MCTP2: variants seen among roughly 807,000 people sequenced by gnomAD.
MCTP2 encodes multiple C2 and transmembrane domain-containing protein 2.
MCTP2 carries 132 observed loss-of-function variants against 111.6 expected under a neutral mutation model. That is an observed-to-expected ratio of 1.18 (90% confidence interval 1.03 to 1.37). MCTP2 has a LOEUF of 1.37. MCTP2 is among the 40% of genes most tolerant of loss of function. The pLI is 0.00. For missense variants in MCTP2, 1,183 were observed against 1,067.9 expected, an observed-to-expected ratio of 1.11 and a Z score of -1.50; for synonymous variants, 395 against 387.7, an observed-to-expected ratio of 1.02 and a Z score of -0.22.
intron 1 of MCTP2, among the ~76,000 whole-genome samples, chr15:94,256,039 G>T (rs1403303540): frequency 1.3e-5 from 2 of 152,068 alleles, no homozygotes; most frequent in Non-Finnish European, 2.9e-5. Flanking sequence ...CTTGACATCT[G>T]TAGGCTGAAA....
chr15:94,476,866 C>G, intron 22 of MCTP2, 73 bp downstream of exon 22: 1 of 863,802 alleles, frequency 1.2e-6, no homozygotes, highest in Non-Finnish European at 1.9e-6. Context: ...CAGAGGAACA[C>G]AAGGCTTTGC....
chr15:94,470,606 G>A (rs571687821), intron 21 of MCTP2, among the ~76,000 whole-genome samples, 164 bp downstream of exon 21: 2 of 152,210 alleles, frequency 1.3e-5, no homozygotes, highest in Non-Finnish European at 2.9e-5. Flanking sequence ...TCCCTGAAAG[G>A]CCAGTTGCAT....
At chr15:94,394,367 T>C (rs192916718) in intron 14 of MCTP2, among the ~76,000 whole-genome samples, 181 of 152,276 alleles carry the variant, frequency 1.2e-3, no homozygotes, top group Middle Eastern at 3.4e-3. Context: ...TGAGCACTTA[T>C]AGTGTAAGCT....
In MCTP2 at chr15:94,344,482, G is replaced by A. The variant is rs2077852420; in HGVS notation, c.970-647G>A. 2.0e-5 allele frequency among the ~76,000 whole-genome samples: 3 copies of A among 152,226 alleles called. No homozygotes were observed. In the South Asian group the frequency reaches 6.2e-4, roughly 32 times the overall value. ...TGAATGGTGACAGGAGTGATGAGAG[G>A]GTTTTGCTTGGAGAGAATTTGTAGA... On this transcript the variant is annotated intron_variant, in intron 7 of 22. Coordinates refer to ENST00000357742, the MANE Select transcript of MCTP2 (RefSeq NM_001385001.1).
chr15:94,458,306 G>T, intron 20 of MCTP2, 60 bp downstream of exon 20: 2 of 1,005,128 alleles, frequency 2.0e-6, no homozygotes, highest in East Asian at 2.4e-5. Context: ...AAGGACAGTG[G>T]GGTAATGGCA....
intron 19 of MCTP2, among the ~76,000 whole-genome samples, chr15:94,443,995 A>AAAC (rs1032066266): frequency 1.3e-5 from 2 of 149,676 alleles, no homozygotes; most frequent in African/African-American, 2.5e-5. Context: ...AAAAAAAAAA[A>AAAC]AAAAAAAAAA....
intron 4 of MCTP2, among the ~76,000 whole-genome samples, chr15:94,331,954 C>T (rs933024587): frequency 2.0e-5 from 3 of 152,158 alleles, no homozygotes; most frequent in Non-Finnish European, 2.9e-5. Flanking sequence ...GAGAAGCATG[C>T]GGCCCTTATC....
intron 8 of MCTP2, among the ~76,000 whole-genome samples, chr15:94,348,196 T>C (rs2152414495): frequency 6.6e-6 from 1 of 152,008 alleles, no homozygotes; most frequent in Admixed American, 6.5e-5. Flanking sequence ...TATATTCTTT[T>C]ATTTTGGTTC....
At chr15:94,307,172 A>G (rs972457149) in intron 2 of MCTP2, among the ~76,000 whole-genome samples, 3 of 152,190 alleles carry the variant, frequency 2.0e-5, no homozygotes, top group Non-Finnish European at 4.4e-5. Flanking sequence ...AATAGAAAAA[A>G]GTCACCTTCC....
At chr15:94,262,683 G>A (rs544099287) in intron 1 of MCTP2, among the ~76,000 whole-genome samples, 17 of 151,050 alleles carry the variant, frequency 1.1e-4, no homozygotes, top group Admixed American at 2.0e-4. Context: ...GTGGGGGTGC[G>A]TGGAGGAGAC....
intron 1 of MCTP2, among the ~76,000 whole-genome samples, chr15:94,245,261 CAT>C (rs1471185065): frequency 1.0e-4 from 14 of 138,542 alleles, no homozygotes; most frequent in Admixed American, 1.4e-4. Flanking sequence ...TGTATATATA[CAT>C]ATGTGTATAT....
intron 20 of MCTP2, among the ~76,000 whole-genome samples, chr15:94,461,064 ACTGTATTC>A (rs2085175758): frequency 6.6e-6 from 1 of 152,206 alleles, no homozygotes; most frequent in African/African-American, 2.4e-5. Flanking sequence ...TGTGGAATGA[ACTGTATTC>A]CTTTTTTCCT....
intron 12 of MCTP2, among the ~76,000 whole-genome samples, chr15:94,379,066 TTTTG>T (rs1488581422): frequency 1.3e-5 from 2 of 151,764 alleles, no homozygotes; most frequent in Non-Finnish European, 2.9e-5. Flanking sequence ...GTTTTTTGTT[TTTTG>T]TTTTTTTTTT....
intron 11 of MCTP2, among the ~76,000 whole-genome samples, chr15:94,368,535 T>C (rs1356225645): frequency 2.6e-5 from 4 of 152,196 alleles, no homozygotes. Flanking sequence ...AATGGCACTA[T>C]CATTCTCAGC....
chr15:94,280,410 C>T (rs919610600), intron 1 of MCTP2, among the ~76,000 whole-genome samples: 8 of 99,994 alleles, frequency 8.0e-5, no homozygotes, highest in Non-Finnish European at 1.2e-4. Context: ...CCATTAGTCT[C>T]GAGGGTTTTT....
Position 94,339,856 on chromosome 15 carries a change from T to C in MCTP2, c.781-343T>C, listed in dbSNP as rs529358639. On this transcript the variant is annotated intron_variant, in intron 5 of 22. Coordinates refer to ENST00000357742, the MANE Select transcript of MCTP2 (RefSeq NM_001385001.1). ...ATAGAAAATTTAGCAAATTTCTATT[T>C]AATTGGCAGATCTGCTCACTGTGGA... Among the ~76,000 whole-genome samples the C allele has an allele frequency of 4.6e-4, 70 of 152,346 alleles. 1 individual carries two copies. Among genetic ancestry groups the C allele is most frequent in the African/African-American group, 1.7e-3 (69 of 41,584 alleles).
chr15:94,245,647 CATATGT>C (rs1269909217), intron 1 of MCTP2, among the ~76,000 whole-genome samples: 4 of 142,396 alleles, frequency 2.8e-5, no homozygotes, highest in Admixed American at 7.1e-5. Flanking sequence ...TATACATATA[CATATGT>C]ATATGTAAAT....
chr15:94,419,687 T>G (rs997771318), intron 17 of MCTP2, among the ~76,000 whole-genome samples: 1 of 152,152 alleles, frequency 6.6e-6, no homozygotes, highest in Non-Finnish European at 1.5e-5. Context: ...TATCTTCACC[T>G]CTTTTACATT....
rs1277171000 is a variant in MCTP2 at position 94,298,847 on chromosome 15, C to T, written c.465+117C>T. On this transcript the variant is annotated intron_variant, in intron 2 of 22. Transcript: ENST00000357742. ...TCCCCCCTCCCCCTCCCTCTCTCTT[C>T]CCCCCTCCCCCTCCCTCTCTCTCTC... 8.7e-3 allele frequency: 2,577 copies of T among 296,498 alleles called. 82 individuals are homozygous for T. The highest frequency in any genetic ancestry group is 0.011 in the Non-Finnish European group (1,944 of 182,560). The allele number at this position is 296,498 out of a possible 1,614,324, so 18.4% of individuals were successfully genotyped here.
Sources: gnomAD v4.1 joint callset for allele counts (sites outside exome capture counted in the v4.1 genomes callset) on GRCh38, gnomAD v4.1.1 for gene constraint, MANE v1.5 for transcripts, NCBI Gene and HGNC (gene_info 2026-07-23, HGNC 2026-07-21) for gene names.